The following CSMD1 variants were observed in gnomAD, a reference collection of about 807,000 sequenced individuals.
CSMD1 encodes CUB and sushi domain-containing protein 1.
Under a neutral mutation model 417.5 loss-of-function variants are expected in CSMD1, and 213 were observed. That is an observed-to-expected ratio of 0.51 (90% CI 0.46 to 0.57). The LOEUF is 0.57. Ranked by LOEUF, CSMD1 falls within the 20% of genes least tolerant of loss-of-function variation. The probability of loss-of-function intolerance (pLI) is 0.00; values close to 1 mark genes in which losing one functional copy is unlikely to be tolerated. For missense variants in CSMD1, 6,923 were observed against 4,529.7 expected (o/e 1.53, Z -15.17); for synonymous variants, 2,862 against 1,736.8 (o/e 1.65, Z -16.11).
chr8:3,409,919 A>G lies in CSMD1; in HGVS notation c.1562-314T>C, dbSNP rs576398564. Among the ~76,000 whole-genome samples the G allele has an allele frequency of 1.4e-4, 22 of 152,358 alleles. No homozygotes were observed. The East Asian group carries it at 4.1e-3, about 28-fold the overall frequency. On this transcript the variant is annotated intron_variant, in intron 12 of 69. Transcript: ENST00000635120. Reference sequence around the variant, plus strand: ...TGGATACCTCCGATCTTTTATCTGCAATTGCTACTACTAAAATGCAAATAC... The same window carrying G: ...TGGATACCTCCGATCTTTTATCTGCGATTGCTACTACTAAAATGCAAATAC...
chr8:3,830,524 C>G (rs899174860), intron 5 of CSMD1, among the ~76,000 whole-genome samples: 4 of 152,106 alleles, frequency 2.6e-5, no homozygotes, highest in African/African-American at 9.7e-5. Flanking sequence ...CTGTTATGTC[C>G]TTAGTATCTC....
chr8:4,612,177 A>C (rs1328220655), intron 2 of CSMD1, among the ~76,000 whole-genome samples: 2 of 152,088 alleles, frequency 1.3e-5, no homozygotes, highest in African/African-American at 4.8e-5. Context: ...TTGAACGCTG[A>C]GTGCTAAAAA....
intron 5 of CSMD1, among the ~76,000 whole-genome samples, chr8:3,960,732 C>T (rs1439211565): frequency 6.6e-6 from 1 of 151,600 alleles, no homozygotes; most frequent in East Asian, 1.9e-4. Flanking sequence ...AAATTTAATT[C>T]ATTTTTATAA....
chr8:3,694,131 CGT>C (rs1264444716), intron 7 of CSMD1, among the ~76,000 whole-genome samples: 1 of 151,214 alleles, frequency 6.6e-6, no homozygotes, highest in Non-Finnish European at 1.5e-5. Context: ...CTGTGTGTGG[CGT>C]GGTGTGTGTG....
intron 20 of CSMD1, among the ~76,000 whole-genome samples, chr8:3,361,699 G>C (rs920975250): frequency 2.0e-5 from 3 of 149,460 alleles, no homozygotes; most frequent in African/African-American, 7.4e-5. Context: ...TGCCAAACAG[G>C]AGAATATTTT....
chr8:4,395,036 C>G (rs1804106930), intron 3 of CSMD1, among the ~76,000 whole-genome samples: 1 of 152,142 alleles, frequency 6.6e-6, no homozygotes, highest in Non-Finnish European at 1.5e-5. Flanking sequence ...TGGCATATCC[C>G]ATATCCCTTT....
chr8:4,115,809 T>C (rs1655006769), intron 3 of CSMD1, among the ~76,000 whole-genome samples: 1 of 151,754 alleles, frequency 6.6e-6, no homozygotes, highest in African/African-American at 2.4e-5. Context: ...AAATCATATT[T>C]CTCAGTAAAA....
intron 10 of CSMD1, among the ~76,000 whole-genome samples, chr8:3,511,843 A>C (rs1223411472): frequency 1.3e-5 from 2 of 151,910 alleles, no homozygotes; most frequent in Non-Finnish European, 2.9e-5. Context: ...ATAAAATAAA[A>C]ATATAATAAA....
At chr8:4,807,001 C>T (rs1438902277) in intron 1 of CSMD1, among the ~76,000 whole-genome samples, 1 of 152,168 alleles carries the variant, frequency 6.6e-6, no homozygotes, top group Non-Finnish European at 1.5e-5. Flanking sequence ...CAAAGACTAA[C>T]TTCAAATGTT....
chr8:4,168,493 G>C lies in CSMD1; in HGVS notation c.416-136394C>G, dbSNP rs80351271. Among the ~76,000 whole-genome samples the C allele has an allele frequency of 2.1e-4, 32 of 151,796 alleles. No individual in the cohort carries two copies. The East Asian group carries it at 6.0e-3, about 29-fold the overall frequency. The stretch of plus-strand genomic sequence containing the variant: ...GGGATGTGGTAAAAGTAGAAAAAAG[G>C]GCTCTAACATGCAACACTAGATTAA... On this transcript the variant is annotated intron_variant, in intron 3 of 69. Transcript: ENST00000635120.
chr8:4,341,648 T>C (rs569559368), intron 3 of CSMD1, among the ~76,000 whole-genome samples: 1 of 152,188 alleles, frequency 6.6e-6, no homozygotes, highest in African/African-American at 2.4e-5. Context: ...TATGCTCTTG[T>C]GTTCTAAAAG....
intron 2 of CSMD1, among the ~76,000 whole-genome samples, chr8:4,421,698 G>GTAAT (rs1374276779): frequency 6.6e-6 from 1 of 151,786 alleles, no homozygotes; most frequent in Non-Finnish European, 1.5e-5. Context: ...TGCTGAGAAG[G>GTAAT]TAATTAGTCG....
intron 68 of CSMD1, among the ~76,000 whole-genome samples, chr8:2,946,855 C>T (rs1486046744): frequency 6.6e-6 from 1 of 152,184 alleles, no homozygotes; most frequent in African/African-American, 2.4e-5. Flanking sequence ...CAAAGTAGGA[C>T]AGTTCCAGTT....
In CSMD1 at chr8:4,816,755, C is replaced by A. The variant is rs533491262; in HGVS notation, c.85+177577G>T. Among the ~76,000 whole-genome samples, 111 of 152,216 alleles carry A rather than the reference C, an allele frequency of 7.3e-4. 2 individuals are homozygous for A. The South Asian group carries it at 0.022, about 30-fold the overall frequency. ...TCAACTAGGAGGCTGTTGCAGGACTCATCTAGGACTGAGGATGGGGATGAA... is the reference window on the plus strand; with the variant it reads ...TCAACTAGGAGGCTGTTGCAGGACTAATCTAGGACTGAGGATGGGGATGAA... On this transcript the variant is annotated intron_variant, in intron 1 of 69. Transcript: ENST00000635120.
At chr8:4,217,718 A>T (rs528671906) in intron 3 of CSMD1, among the ~76,000 whole-genome samples, 2 of 152,306 alleles carry the variant, frequency 1.3e-5, no homozygotes, top group East Asian at 3.9e-4. Context: ...AGGAAATACA[A>T]CTGTATGACT....
chr8:3,682,408 T>G (rs910405637), intron 7 of CSMD1, among the ~76,000 whole-genome samples: 1 of 152,082 alleles, frequency 6.6e-6, no homozygotes, highest in East Asian at 1.9e-4. Flanking sequence ...TCTCAAAAGA[T>G]GACCTTTATG....
intron 3 of CSMD1, among the ~76,000 whole-genome samples, chr8:4,123,127 T>G (rs1563152908): frequency 6.6e-6 from 1 of 152,170 alleles, no homozygotes; most frequent in Non-Finnish European, 1.5e-5. Flanking sequence ...GTACACAAAA[T>G]AGGAAGATGA....
At chr8:4,084,036 A>G (rs1351349153) in intron 3 of CSMD1, among the ~76,000 whole-genome samples, 1 of 152,076 alleles carries the variant, frequency 6.6e-6, no homozygotes, top group Non-Finnish European at 1.5e-5. Flanking sequence ...GGGCAAAAAA[A>G]CCCTTTTAAA....
At chr8:4,324,533 G>C (rs139154816) in intron 3 of CSMD1, among the ~76,000 whole-genome samples, 1 of 152,182 alleles carries the variant, frequency 6.6e-6, no homozygotes, top group East Asian at 1.9e-4. Context: ...ACCCCCAGGA[G>C]GTGCATTCTG....
Sources: allele counts gnomAD v4.1 joint callset (sites outside exome capture counted in the v4.1 genomes callset), GRCh38; gene constraint gnomAD v4.1.1; transcripts MANE v1.5; gene names NCBI Gene and HGNC (gene_info 2026-07-23, HGNC 2026-07-21).